Variants in TMEM132D observed in about 807,000 individuals in gnomAD.
TMEM132D encodes transmembrane protein 132D.
TMEM132D carries 21 observed loss-of-function variants against 62.3 expected under a neutral mutation model. That is an observed-to-expected ratio of 0.34 (90% CI 0.24 to 0.49). TMEM132D has a LOEUF of 0.49. Among genes scored for constraint, TMEM132D ranks in the 20% least tolerant of loss-of-function variants. TMEM132D has a pLI of 0.99. For synonymous variants in TMEM132D, 621 were observed against 575.6 expected (o/e 1.08, Z -1.13); for missense variants, 1,346 against 1,402.8 (o/e 0.96, Z 0.65).
intron 3 of TMEM132D, among the ~76,000 whole-genome samples, chr12:129,467,359 G>A (rs1188138584): frequency 6.6e-6 from 1 of 152,088 alleles, no homozygotes; most frequent in African/African-American, 2.4e-5. Context: ...GGAAGCTGGG[G>A]GCTTAAGAGA....
chr12:129,395,299 G>T (rs893230546), intron 3 of TMEM132D, among the ~76,000 whole-genome samples: 15 of 152,116 alleles, frequency 9.9e-5, no homozygotes, highest in African/African-American at 3.6e-4. Flanking sequence ...AGAGCAATTT[G>T]TCAGTATTTG....
chr12:129,569,162 C>T (rs77791380), intron 2 of TMEM132D, among the ~76,000 whole-genome samples: 293 of 152,264 alleles, frequency 1.9e-3, no homozygotes, highest in African/African-American at 6.7e-3. Context: ...CAGTAGGTAA[C>T]GGGAAGAACA....
intron 1 of TMEM132D, among the ~76,000 whole-genome samples, chr12:129,824,475 C>T (rs1018905705): frequency 2.0e-5 from 3 of 152,060 alleles, no homozygotes; most frequent in African/African-American, 7.2e-5. Context: ...GAAGCCCTCG[C>T]CCCAAGTATG....
chr12:129,382,717 T>C (rs1352693324), intron 3 of TMEM132D, among the ~76,000 whole-genome samples: 1 of 152,180 alleles, frequency 6.6e-6, no homozygotes, highest in Admixed American at 6.5e-5. Flanking sequence ...GGCTCTTTTT[T>C]ATGAATACAG....
At chr12:129,139,076 A>G (rs1382908514) in intron 5 of TMEM132D, among the ~76,000 whole-genome samples, 1 of 152,174 alleles carries the variant, frequency 6.6e-6, no homozygotes, top group Non-Finnish European at 1.5e-5. Flanking sequence ...AAATTACGTG[A>G]GGCGCACAGG....
intron 2 of TMEM132D, among the ~76,000 whole-genome samples, chr12:129,598,382 C>T (rs1318178762): frequency 6.6e-6 from 1 of 152,138 alleles, no homozygotes; most frequent in Non-Finnish European, 1.5e-5. Flanking sequence ...ACGTGACTGA[C>T]ATCTGAAAAA....
intron 1 of TMEM132D, among the ~76,000 whole-genome samples, chr12:129,845,018 C>A (rs898314299): frequency 6.6e-6 from 1 of 152,150 alleles, no homozygotes; most frequent in African/African-American, 2.4e-5. Context: ...CCAACTCCCA[C>A]GGAGCCAGCT....
intron 1 of TMEM132D, among the ~76,000 whole-genome samples, chr12:129,895,552 T>C (rs1420571283): frequency 6.6e-6 from 1 of 152,232 alleles, no homozygotes; most frequent in African/African-American, 2.4e-5. Context: ...TCCTCAGCCA[T>C]GCCTGCACAG....
At chr12:129,761,528 T>C (rs1460866855) in intron 1 of TMEM132D, among the ~76,000 whole-genome samples, 1 of 152,190 alleles carries the variant, frequency 6.6e-6, no homozygotes, top group Admixed American at 6.5e-5. Context: ...AACAAGGCAC[T>C]GCTGTGTTTT....
At chr12:129,834,505 GC>G (rs777749853) in intron 1 of TMEM132D, among the ~76,000 whole-genome samples, 3 of 136,028 alleles carry the variant, frequency 2.2e-5, no homozygotes, top group Non-Finnish European at 4.6e-5. Context: ...CCCTCTCTCA[GC>G]CCTGAAAGAT....
intron 4 of TMEM132D, among the ~76,000 whole-genome samples, chr12:129,232,051 A>G (rs4759649): frequency 0.7 from 107,143 of 152,048 alleles, 38,306 homozygotes; most frequent in East Asian, 0.98. Context: ...TTAGCTGTAC[A>G]TTGGAATCAC....
At chr12:129,749,647 TA>T (rs1478693345) in intron 1 of TMEM132D, among the ~76,000 whole-genome samples, 2 of 151,144 alleles carry the variant, frequency 1.3e-5, no homozygotes, top group African/African-American at 4.9e-5. Flanking sequence ...GTACTTTTAG[TA>T]GAGATGGTAT....
intron 5 of TMEM132D, among the ~76,000 whole-genome samples, chr12:129,200,309 G>T (rs937237534): frequency 1.3e-5 from 2 of 152,146 alleles, no homozygotes; most frequent in Admixed American, 1.3e-4. Flanking sequence ...TACCCCTGCC[G>T]AATAAAAGAG....
intron 1 of TMEM132D, among the ~76,000 whole-genome samples, chr12:129,719,028 G>T (rs932148135): frequency 2.7e-5 from 4 of 150,550 alleles, no homozygotes; most frequent in Admixed American, 6.6e-5. Context: ...CTTGATCCCA[G>T]GAGTTTGAGA....
At chr12:129,644,838 T>C (rs1211956612) in intron 2 of TMEM132D, among the ~76,000 whole-genome samples, 1 of 117,126 alleles carries the variant, frequency 8.5e-6, no homozygotes, top group Non-Finnish European at 1.9e-5. Flanking sequence ...AAAAAAAAAA[T>C]AGCCCAGCGT....
At chr12:129,226,457 G>A (rs922827272) in intron 4 of TMEM132D, among the ~76,000 whole-genome samples, 8 of 152,154 alleles carry the variant, frequency 5.3e-5, no homozygotes, top group South Asian at 2.1e-4. Context: ...TGTCTGCCGC[G>A]GCACCAGACC....
intron 5 of TMEM132D, among the ~76,000 whole-genome samples, chr12:129,101,987 T>C (rs1875324694): frequency 7.1e-6 from 1 of 140,768 alleles, no homozygotes; most frequent in African/African-American, 3.2e-5. Flanking sequence ...AGCTGCTGTT[T>C]TTTTTTTTTT....
At chr12:129,847,789 G>A (rs1264179501) in intron 1 of TMEM132D, among the ~76,000 whole-genome samples, 1 of 151,574 alleles carries the variant, frequency 6.6e-6, no homozygotes, top group Non-Finnish European at 1.5e-5. Flanking sequence ...CACTTGCCCT[G>A]GAAAAAAAAG....
intron 1 of TMEM132D, among the ~76,000 whole-genome samples, chr12:129,701,891 G>T (rs1172566117): frequency 6.6e-6 from 1 of 152,172 alleles, no homozygotes; most frequent in African/African-American, 2.4e-5. Context: ...CCCGAGTCAG[G>T]ACCCTTCTTG....
Sources: gnomAD v4.1 joint callset for allele counts (sites outside exome capture counted in the v4.1 genomes callset) on GRCh38, gnomAD v4.1.1 for gene constraint, MANE v1.5 for transcripts, NCBI Gene and HGNC (gene_info 2026-07-23, HGNC 2026-07-21) for gene names.